LSMEM1: variants seen among roughly 807,000 people sequenced by gnomAD.
LSMEM1 encodes the protein leucine-rich single-pass membrane protein 1.
A neutral mutation model predicts 11.3 loss-of-function variants in LSMEM1; 10 were observed. The ratio of observed to expected loss-of-function variants is 0.89; its 90% CI spans 0.55 to 1.50. The LOEUF is 1.50. Ranked by LOEUF, LSMEM1 falls within the 40% of genes most tolerant of loss-of-function variation. The pLI is 0.00. For missense variants in LSMEM1, 151 were observed against 152.9 expected (o/e 0.99, Z 0.06); for synonymous variants, 65 against 59.3 (o/e 1.10, Z -0.44).
At chr7:112,483,604 C>CAGGTT (rs1796073485) in intron 1 of LSMEM1, 1 of 152,166 alleles carries the variant, frequency 6.6e-6, no homozygotes, top group African/African-American at 2.4e-5. Context: ...AAAGGAAAGA[C>CAGGTT]AGGTTGGTTC....
intron 2 of LSMEM1, chr7:112,486,507 T>TCACA: frequency 2.8e-6 from 1 of 359,580 alleles, no homozygotes; most frequent in Non-Finnish European, 5.7e-6. Flanking sequence ...CCGGGCGCCG[T>TCACA]GGCTCACGCC....
Position 112,489,954 on chromosome 7 carries a change from A to T in LSMEM1, c.*5A>T, listed in dbSNP as rs11767398. On this transcript the variant is annotated 3_prime_UTR_variant, in exon 4 of 4. Transcript: ENST00000312849. ...CTGGACTCTGAACAAAACTAAAGGA[A>T]TGATTTTCTGAAAGCACCTGCTAAC... The T allele has an allele frequency of 6.2e-7, 1 of 1,610,092 alleles. No individual in the cohort carries two copies. Among genetic ancestry groups the T allele is most frequent in the African/African-American group, 1.3e-5 (1 of 74,680 alleles).
chr7:112,487,118 T>A, intron 3 of LSMEM1, 67 bp downstream of exon 3: 2 of 1,565,088 alleles, frequency 1.3e-6, no homozygotes, highest in Non-Finnish European at 1.7e-6. Context: ...TTAACTTTGC[T>A]CCCACAAAGT....
chr7:112,489,981 C>T lies in LSMEM1; in HGVS notation c.*32C>T. Reference sequence around the variant, plus strand: ...GATTTTCTGAAAGCACCTGCTAACACCTTGAGCTTTTTACTTTCCTGGGAG... The same window carrying T: ...GATTTTCTGAAAGCACCTGCTAACATCTTGAGCTTTTTACTTTCCTGGGAG... On this transcript the variant is annotated 3_prime_UTR_variant, in exon 4 of 4. Transcript: ENST00000312849. 4 of 1,598,040 alleles carry T rather than the reference C, an allele frequency of 2.5e-6. No individual in the cohort carries two copies. Among genetic ancestry groups the T allele is most frequent in the East Asian group, 2.2e-5 (1 of 44,770 alleles).
At chr7:112,483,584 A>G (rs968501774) in intron 1 of LSMEM1, 5 of 152,268 alleles carry the variant, frequency 3.3e-5, no homozygotes, top group African/African-American at 1.2e-4. Flanking sequence ...TAAAGAATCC[A>G]GCAAAGGCAA....
In LSMEM1 at chr7:112,487,004, T is replaced by A; in HGVS notation, c.209T>A (p.Val70Glu). ...RSLFFVGLLIVLIVSLALVFF... is the reference protein window; with the variant it reads ...RSLFFVGLLIELIVSLALVFF... ...CTGTTTTTTGTGGGGCTGCTAATTGTGCTGATTGTCAGCCTGGCACTGGTT... is the reference window on the plus strand; with the variant it reads ...CTGTTTTTTGTGGGGCTGCTAATTGAGCTGATTGTCAGCCTGGCACTGGTT... Residue 70 changes from valine (V) to glutamate (E), a missense_variant, in exon 3 of 4, where the codon GTG becomes GAG. Val to Glu is a moderately radical substitution (Grantham distance 121). Coordinates refer to ENST00000312849, the MANE Select transcript of LSMEM1 (RefSeq NM_182597.3). 6.2e-7 allele frequency: 1 copy of A among 1,614,198 alleles called. No homozygotes were observed.
Position 112,490,746 on chromosome 7 carries a change from T to C in LSMEM1, c.*797T>C, listed in dbSNP as rs1256896133. Reference sequence around the variant, plus strand: ...CCTGCTGATTGATTTGGAAGAAATCTGATAGATTTGTGGCCTTTCCTAAAT... The same window carrying C: ...CCTGCTGATTGATTTGGAAGAAATCCGATAGATTTGTGGCCTTTCCTAAAT... On this transcript the variant is annotated 3_prime_UTR_variant, in exon 4 of 4. Coordinates refer to ENST00000312849, the MANE Select transcript of LSMEM1 (RefSeq NM_182597.3). The C allele has an allele frequency of 6.6e-6, 1 of 152,208 alleles. No homozygotes were observed. Among genetic ancestry groups the C allele is most frequent in the Non-Finnish European group, 1.5e-5 (1 of 68,022 alleles). The allele number at this position is 152,208 out of a possible 1,614,324, so 9.4% of individuals were successfully genotyped here. A position where few individuals can be genotyped will look rare whatever the true frequency, so the allele number is the denominator to read the frequency against.
chr7:112,486,864 T>G (rs1796140745), intron 2 of LSMEM1, 59 bp from the exon 3 acceptor site: 1 of 1,607,956 alleles, frequency 6.2e-7, no homozygotes, highest in Non-Finnish European at 8.5e-7. Context: ...TGTTCAGTTC[T>G]GCTGACAAGT....
chr7:112,486,737 C>A (rs1010379791), intron 2 of LSMEM1, 186 bp from the exon 3 acceptor site: 2 of 677,498 alleles, frequency 3.0e-6, no homozygotes, highest in Non-Finnish European at 4.6e-6. Context: ...GATCAAGCCA[C>A]TGCACTCCAG....
At position 112,490,257 on chromosome 7, in the gene LSMEM1, C is replaced by A. The variant is rs752980653; in HGVS notation, c.*308C>A. 2.3e-4 allele frequency: 59 copies of A among 254,720 alleles called. 1 individual carries two copies. The highest frequency in any genetic ancestry group is 2.5e-4 in the Non-Finnish European group (33 of 133,398). 15.8% of individuals were successfully genotyped at this position (254,720 alleles called of 1,614,324 possible). Reference sequence around the variant, plus strand: ...AGCAAGAGAACTTGACTATGTACGTCCAACTTCTTACAGAAGGAGCTTTGC... The same window carrying A: ...AGCAAGAGAACTTGACTATGTACGTACAACTTCTTACAGAAGGAGCTTTGC... On this transcript the variant is annotated 3_prime_UTR_variant, in exon 4 of 4. Transcript: ENST00000312849.
At position 112,490,132 on chromosome 7, in the gene LSMEM1, A is replaced by G; in HGVS notation, c.*183A>G. The G allele has an allele frequency of 1.7e-6, 1 of 573,112 alleles. No homozygotes were observed. Among genetic ancestry groups the G allele is most frequent in the South Asian group, 2.9e-5 (1 of 34,886 alleles). 35.5% of individuals were successfully genotyped at this position (573,112 alleles called of 1,614,324 possible). ...CAATTCCAAGGCAAGTGGGTATGGG[A>G]ATAGCAACTAAAAAGGGGTGAACTT... On this transcript the variant is annotated 3_prime_UTR_variant, in exon 4 of 4. Coordinates refer to ENST00000312849, the MANE Select transcript of LSMEM1 (RefSeq NM_182597.3).
In LSMEM1 at chr7:112,484,829, T is replaced by C. The variant is rs1358830629; in HGVS notation, c.13T>C (p.Ser5Pro). The C allele has an allele frequency of 1.2e-6, 2 of 1,613,550 alleles. No individual in the cohort carries two copies. Among genetic ancestry groups the C allele is most frequent in the East Asian group, 4.5e-5 (2 of 44,870 alleles). MTHS[S>P]QDTGSCGIQE... Reference sequence around the variant, plus strand: ...TCTTCCAGGGACAATGACTCATTCTTCCCAGGACACTGGTTCTTGTGGCAT... The same window carrying C: ...TCTTCCAGGGACAATGACTCATTCTCCCCAGGACACTGGTTCTTGTGGCAT... Residue 5 changes from serine (S) to proline (P), a missense_variant, in exon 2 of 4, where the codon TCC becomes CCC. Ser to Pro is a moderately conservative substitution (Grantham distance 74). Transcript: ENST00000312849.
intron 2 of LSMEM1, chr7:112,486,698 C>T (rs1220503933): frequency 4.7e-6 from 2 of 422,464 alleles, no homozygotes; most frequent in Middle Eastern, 7.8e-4. Flanking sequence ...ATGGCGTGAA[C>T]CCGGGAGGCA....
In LSMEM1 at chr7:112,484,851, G is replaced by T. The variant is rs1796097320; in HGVS notation, c.35G>T (p.Gly12Val). Residue 12 changes from glycine to valine, a missense_variant, in exon 2 of 4, where the codon GGC (glycine) becomes GTC (valine). Transcript: ENST00000312849. ...THSSQDTGSC[G>V]IQEDGKLYVV... is the part of the protein sequence containing the mutation. ...TCTTCCCAGGACACTGGTTCTTGTGGCATTCAGGAAGATGGAAAGCTTTAT... is the reference window on the plus strand; with the variant it reads ...TCTTCCCAGGACACTGGTTCTTGTGTCATTCAGGAAGATGGAAAGCTTTAT... The T allele has an allele frequency of 6.2e-7, 1 of 1,613,752 alleles. No homozygotes were observed. Among genetic ancestry groups the T allele is most frequent in the Non-Finnish European group, 8.5e-7 (1 of 1,179,774 alleles).
intron 1 of LSMEM1, among the ~76,000 whole-genome samples, chr7:112,482,693 C>T (rs1011134242): frequency 6.6e-6 from 1 of 152,016 alleles, no homozygotes; most frequent in South Asian, 2.1e-4. Context: ...TATTTTGGGG[C>T]CTTGGTTTTA....
intron 3 of LSMEM1, 29 bp from the exon 4 acceptor site, chr7:112,489,781 T>C: frequency 3.1e-6 from 5 of 1,600,844 alleles, no homozygotes; most frequent in Non-Finnish European, 4.3e-6. Flanking sequence ...TGGAAACCAA[T>C]GTAACACAGT....
At chr7:112,483,457 T>G (rs1056750601) in intron 1 of LSMEM1, 1 of 152,230 alleles carries the variant, frequency 6.6e-6, no homozygotes, top group Non-Finnish European at 1.5e-5. Context: ...AACCTGGCAC[T>G]GGGCATTTGA....
intron 2 of LSMEM1, chr7:112,486,133 A>G (rs1796123285): frequency 5.7e-6 from 1 of 176,018 alleles, no homozygotes; most frequent in Non-Finnish European, 1.2e-5. Flanking sequence ...GTTTAAATGG[A>G]TGTAGGCTTA....
In LSMEM1 at chr7:112,484,924, C is replaced by T. The variant is rs192102447; in HGVS notation, c.108C>T (p.Ala36=). The T allele has an allele frequency of 4.6e-5, 74 of 1,611,008 alleles. No homozygotes were observed. Among genetic ancestry groups the T allele is most frequent in the East Asian group, 1.8e-4 (8 of 44,710 alleles). Residue 36 remains alanine (A), a synonymous_variant, in exon 2 of 4, where the codon GCC becomes GCT. Coordinates refer to ENST00000312849, the MANE Select transcript of LSMEM1 (RefSeq NM_182597.3). ...TAAACAAACTAAACCTCTGTCCAGC[C>T]GGATCGCAGCATCTGTTCCGTATGT... ...NDLNKLNLCP[A]GSQHLFPLED...
Sources: gnomAD v4.1 joint callset for allele counts (sites outside exome capture counted in the v4.1 genomes callset) on GRCh38, gnomAD v4.1.1 for gene constraint, MANE v1.5 for transcripts, NCBI Gene and HGNC (gene_info 2026-07-23, HGNC 2026-07-21) for gene names.